The following ANKHD1 variants were observed in gnomAD, a reference collection of about 807,000 sequenced individuals.
ANKHD1 encodes the protein ankyrin repeat and KH domain-containing protein 1.
Under a neutral mutation model 230.5 loss-of-function variants are expected in ANKHD1, and 31 were observed. The observed-to-expected ratio is 0.13, with a 90% CI of 0.10 to 0.18. The LOEUF (loss-of-function observed/expected upper bound fraction) is 0.18, where lower values mean the gene tolerates loss of function less well. ANKHD1 is among the 10% of genes least tolerant of loss of function. The pLI is 1.00. For synonymous variants in ANKHD1, 1,074 were observed against 1,117.6 expected (o/e 0.96, Z 0.78); for missense variants, 2,256 against 3,071.3 (o/e 0.73, Z 6.27).
At chr5:140,456,773 A>G (rs540100487) in intron 7 of ANKHD1, among the ~76,000 whole-genome samples, 7 of 152,168 alleles carry the variant, frequency 4.6e-5, no homozygotes, top group East Asian at 1.9e-4. Context: ...AACCTAGGCA[A>G]TACCATTCAG....
chr5:140,496,883 A>G lies in ANKHD1; in HGVS notation c.2609A>G (p.His870Arg), dbSNP rs780534854. ...GGTCAGAAAGACACAGTGTCTCTAC[A>G]CCAACAGTGCTCTCATAGAGGAGTC... ...TKGQKDTVSL[H>R]QQCSHRGVFP... The change falls in exon 15 of 34, where the codon CAC becomes CGC. Residue 870 changes from histidine (H) to arginine (R), a missense_variant. By Grantham distance (29) the His-to-Arg change is conservative. Transcript: ENST00000360839. 6.2e-7 allele frequency: 1 copy of G among 1,614,192 alleles called. No homozygotes were observed. Among genetic ancestry groups the G allele is most frequent in the Non-Finnish European group, 8.5e-7 (1 of 1,180,030 alleles).
chr5:140,445,809 A>G lies in ANKHD1; in HGVS notation c.981A>G (p.Glu327=), dbSNP rs1774238596. 6.2e-7 allele frequency: 1 copy of G among 1,613,242 alleles called. No individual in the cohort carries two copies. Among genetic ancestry groups the G allele is most frequent in the Non-Finnish European group, 8.5e-7 (1 of 1,179,616 alleles). Reference sequence around the variant, plus strand: ...ACATTGTTAAAGTGCTCCTTAATGAAGGTGCAAATATAGAAGATCATAATG... The same window carrying G: ...ACATTGTTAAAGTGCTCCTTAATGAGGGTGCAAATATAGAAGATCATAATG... The part of the protein sequence containing the change: ...FVDIVKVLLN[E]GANIEDHNEN... The change falls in exon 6 of 34, where the codon GAA becomes GAG. Residue 327 remains glutamate, a synonymous_variant. Coordinates refer to ENST00000360839, the MANE Select transcript of ANKHD1 (RefSeq NM_017747.3).
In ANKHD1 at chr5:140,529,425, T is replaced by C; in HGVS notation, c.6479T>C (p.Phe2160Ser). 4.3e-6 allele frequency: 7 copies of C among 1,614,216 alleles called. No homozygotes were observed. The highest frequency in any genetic ancestry group is 5.9e-6 in the Non-Finnish European group (7 of 1,180,040). ...ATIHQDPQSI[F>S]VTNPVTLTPP... is the part of the protein sequence containing the mutation. Reference sequence around the variant, plus strand: ...ATTCACCAGGATCCCCAGTCTATTTTTGTTACGAATCCAGTTACTTTAACA... The same window carrying C: ...ATTCACCAGGATCCCCAGTCTATTTCTGTTACGAATCCAGTTACTTTAACA... The change falls in exon 29 of 34, where the codon TTT becomes TCT. Residue 2160 changes from phenylalanine to serine, a missense_variant. Phe to Ser is a radical substitution (Grantham distance 155, BLOSUM62 -2). Transcript: ENST00000360839.
At position 140,497,236 on chromosome 5, in the gene ANKHD1, C is replaced by T. The variant is rs776181281; in HGVS notation, c.2962C>T (p.Pro988Ser). 1.2e-6 allele frequency: 2 copies of T among 1,607,990 alleles called. No homozygotes were observed. Among genetic ancestry groups the T allele is most frequent in the Admixed American group, 1.7e-5 (1 of 60,024 alleles). ...ACCAGATGGACTAATGGTTGCAACT[C>T]CAGCTCAGACGCTTACCGACACTCT... Reference protein sequence around the residue: ...QEPDGLMVATPAQTLTDTLDD... With the variant: ...QEPDGLMVATSAQTLTDTLDD... Residue 988 changes from proline to serine, a missense_variant, in exon 15 of 34, where the codon CCA becomes TCA. Physicochemically the swap from Pro to Ser is moderately conservative, Grantham distance 74. Around this residue, in one of 13 missense-constraint regions of ANKHD1, gnomAD observed 358 missense variants for 397.7 expected, o/e 0.90. Coordinates refer to ENST00000360839, the MANE Select transcript of ANKHD1 (RefSeq NM_017747.3).
chr5:140,459,114 TTATTA>T, intron 8 of ANKHD1, 45 bp from the exon 9 acceptor site: 3 of 1,390,508 alleles, frequency 2.2e-6, no homozygotes, highest in Non-Finnish European at 2.8e-6. Flanking sequence ...ATTAATATCT[TTATTA>T]TAAGTCTCTT....
chr5:140,472,597 G>A lies in ANKHD1; in HGVS notation c.1782+7821G>A, dbSNP rs142891391. 1.2e-3 allele frequency: 498 copies of A among 414,314 alleles called. 3 individuals are homozygous for A. The highest frequency in any genetic ancestry group is 9.9e-3 in the African/African-American group (468 of 47,476). The allele number at this position is 414,314 out of a possible 1,614,324, so 25.7% of individuals were successfully genotyped here. On this transcript the variant is annotated intron_variant, in intron 10 of 33. Coordinates refer to ENST00000360839, the MANE Select transcript of ANKHD1 (RefSeq NM_017747.3). ...CCTTTATTGGGAGAGTTAGTATACC[G>A]CAGAGAGAAAGTCTCAGTAATAAAG...
chr5:140,466,581 C>T (rs1776105717), intron 10 of ANKHD1, among the ~76,000 whole-genome samples: 1 of 152,008 alleles, frequency 6.6e-6, no homozygotes, highest in Admixed American at 6.6e-5. Flanking sequence ...CTTAGAAGAA[C>T]TACATTAATT....
rs773461649 is a variant in ANKHD1, at chr5:140,528,027, T to C, written c.5237+5T>C. The C allele has an allele frequency of 3.1e-6, 5 of 1,612,974 alleles. No homozygotes were observed. The highest frequency in any genetic ancestry group is 1.3e-5 in the African/African-American group (1 of 74,848). On this transcript the variant is annotated splice_donor_5th_base_variant and intron_variant, in intron 28 of 33. Coordinates refer to ENST00000360839, the MANE Select transcript of ANKHD1 (RefSeq NM_017747.3). ...CGAGAGAATGATCACAATAAGGTAATTGTGCAAAATGTATACTGCTAGTTC... is the reference window on the plus strand; with the variant it reads ...CGAGAGAATGATCACAATAAGGTAACTGTGCAAAATGTATACTGCTAGTTC...
intron 1 of ANKHD1, among the ~76,000 whole-genome samples, chr5:140,418,097 C>T (rs560983059): frequency 4.1e-4 from 62 of 151,768 alleles, no homozygotes; most frequent in Non-Finnish European, 7.4e-4. Context: ...CCTCCTCGGC[C>T]TCCCAAAGTG....
chr5:140,448,316 T>C (rs2126938785), intron 6 of ANKHD1, among the ~76,000 whole-genome samples: 1 of 152,366 alleles, frequency 6.6e-6, no homozygotes, highest in Middle Eastern at 3.4e-3. Flanking sequence ...TCCCAGGTTT[T>C]CACTATTATT....
At chr5:140,532,205 TA>T (rs78497065) in intron 29 of ANKHD1, among the ~76,000 whole-genome samples, 1,848 of 126,568 alleles carry the variant, frequency 0.015, 18 homozygotes, top group African/African-American at 0.036. Context: ...GACTCTGTCT[TA>T]AAAAAAAAAA....
intron 6 of ANKHD1, among the ~76,000 whole-genome samples, chr5:140,448,053 C>T (rs1774427861): frequency 6.6e-6 from 1 of 152,094 alleles, no homozygotes; most frequent in South Asian, 2.1e-4. Flanking sequence ...GAGGCTGAGG[C>T]AGGAGGATCT....
In ANKHD1 at chr5:140,468,052, C is replaced by CTTTTT. The variant is rs869172143; in HGVS notation, c.1782+3312_1782+3316dup. On this transcript the variant is annotated intron_variant, in intron 10 of 33. Transcript: ENST00000360839. The stretch of plus-strand genomic sequence containing the variant: ...AGTTTAAGGTTTAAGTGTACTAATT[C>CTTTTT]TTTTTTTTTTTTTTTTTTTTTTTTT... 1.2e-3 allele frequency among the ~76,000 whole-genome samples: 64 copies of CTTTTT among 52,412 alleles called. 7 individuals carry two copies. Among genetic ancestry groups the CTTTTT allele is most frequent in the African/African-American group, 1.4e-3 (16 of 11,274 alleles). 34.4% of individuals were successfully genotyped at this position (52,412 alleles called of 152,430 possible).
At chr5:140,534,676 T>G (rs1753994688) in intron 29 of ANKHD1, among the ~76,000 whole-genome samples, 2 of 152,230 alleles carry the variant, frequency 1.3e-5, no homozygotes, top group Admixed American at 1.3e-4. Context: ...GATGTTGATA[T>G]TAACTACTTT....
At chr5:140,434,509 TATTATGTAAATA>T (rs1773294204) in intron 1 of ANKHD1, among the ~76,000 whole-genome samples, 1 of 150,860 alleles carries the variant, frequency 6.6e-6, no homozygotes, top group Non-Finnish European at 1.5e-5. Context: ...ACATTACATA[TATTATGTAAATA>T]ATATACATAC....
chr5:140,476,007 A>G (rs1452888967), intron 10 of ANKHD1, among the ~76,000 whole-genome samples: 2 of 152,346 alleles, frequency 1.3e-5, no homozygotes, highest in Admixed American at 1.3e-4. Flanking sequence ...CAGTAGCCAT[A>G]AAACAATGTG....
chr5:140,477,994 C>G (rs1346745466), intron 10 of ANKHD1, among the ~76,000 whole-genome samples: 2 of 152,038 alleles, frequency 1.3e-5, no homozygotes. Flanking sequence ...CAGTGCACAC[C>G]AAAACTTGGG....
chr5:140,479,534 A>G (rs921116420), intron 10 of ANKHD1, among the ~76,000 whole-genome samples: 21 of 151,948 alleles, frequency 1.4e-4, no homozygotes, highest in East Asian at 9.6e-4. Context: ...ACCATTATAT[A>G]CATATATGCA....
At chr5:140,443,119 A>G (rs373431317) in intron 5 of ANKHD1, among the ~76,000 whole-genome samples, 9 of 151,636 alleles carry the variant, frequency 5.9e-5, no homozygotes, top group South Asian at 2.1e-4. Context: ...GTTAGCCAGG[A>G]TGGTCTCGAT....
Sources: allele counts gnomAD v4.1 joint callset (sites outside exome capture counted in the v4.1 genomes callset), GRCh38; gene constraint gnomAD v4.1.1; regional missense constraint gnomAD v4.1.1; transcripts MANE v1.5; gene names NCBI Gene and HGNC (gene_info 2026-07-23, HGNC 2026-07-21).